Variants in ASH2L observed in about 807,000 individuals in gnomAD.
ASH2L encodes ASH2 like, histone lysine methyltransferase complex subunit.
ASH2L carries 30 observed loss-of-function variants against 81.1 expected under a neutral mutation model. The observed-to-expected ratio is 0.37, with a 90% CI of 0.28 to 0.50. The LOEUF is 0.50. Among genes scored for constraint, ASH2L ranks in the 20% least tolerant of loss-of-function variants. The pLI, the probability that ASH2L is intolerant of heterozygous loss-of-function variation, is 0.95. For missense variants in ASH2L, 559 were observed against 792.1 expected (o/e 0.71, Z 3.53); for synonymous variants, 273 against 279.9 (o/e 0.98, Z 0.24).
Position 38,110,373 on chromosome 8 carries a change from C to G in ASH2L, c.402-6C>G. 2 of 1,612,318 alleles carry G rather than the reference C, an allele frequency of 1.2e-6. No individual in the cohort carries two copies. The highest frequency in any genetic ancestry group is 1.7e-6 in the Non-Finnish European group (2 of 1,178,370). ...CACTAATTCGTATAATTTGGCTCTT[C>G]GGCAGATCCTGTCTACCTTTCATGA... is the stretch of plus-strand genomic sequence containing the variant. On this transcript the variant is annotated splice_region_variant and splice_polypyrimidine_tract_variant and intron_variant, in intron 3 of 15. Coordinates refer to ENST00000343823, the MANE Select transcript of ASH2L (RefSeq NM_004674.5).
intron 12 of ASH2L, among the ~76,000 whole-genome samples, chr8:38,132,862 C>T (rs191128518): frequency 0.017 from 2,437 of 143,640 alleles, 37 homozygotes; most frequent in Non-Finnish European, 0.026. Context: ...TTTGGGAGGC[C>T]AAGGCGGGTG....
In ASH2L at chr8:38,128,755, C is replaced by T; in HGVS notation, c.1334-3C>T. On this transcript the variant is annotated splice_region_variant and splice_polypyrimidine_tract_variant and intron_variant, in intron 11 of 15. Transcript: ENST00000343823. Reference sequence around the variant, plus strand: ...CTTCCTGTGTATGTTTTTATTGGGACAGGAAACCTTCAAGCTCCTTTAGGT... The same window carrying T: ...CTTCCTGTGTATGTTTTTATTGGGATAGGAAACCTTCAAGCTCCTTTAGGT... 6.2e-7 allele frequency: 1 copy of T among 1,608,148 alleles called. No homozygotes were observed.
At chr8:38,117,752 A>G (rs1385531327) in intron 8 of ASH2L, 1 of 152,266 alleles carries the variant, frequency 6.6e-6, no homozygotes, top group Non-Finnish European at 1.5e-5. Flanking sequence ...TCAAAATGCA[A>G]ATGACAATTA....
intron 8 of ASH2L, among the ~76,000 whole-genome samples, chr8:38,118,941 G>T (rs894373378): frequency 6.6e-6 from 1 of 152,186 alleles, no homozygotes; most frequent in African/African-American, 2.4e-5. Context: ...GGGTGTTTGG[G>T]ATCTGAATGA....
In ASH2L at chr8:38,139,263, C is replaced by G; in HGVS notation, c.*192C>G. On this transcript the variant is annotated 3_prime_UTR_variant, in exon 16 of 16. Transcript: ENST00000343823. ...ATTTTCTCCCCACTTCCAGTGACTG[C>G]TCTTATTTTGTGTACCATAAGCCAA... 1 of 545,614 alleles carries G rather than the reference C, an allele frequency of 1.8e-6. No homozygotes were observed. Among genetic ancestry groups the G allele is most frequent in the Non-Finnish European group, 3.2e-6 (1 of 307,920 alleles). 33.8% of individuals were successfully genotyped at this position (545,614 alleles called of 1,614,324 possible). A position where few individuals can be genotyped will look rare whatever the true frequency, so the allele number is the denominator to read the frequency against.
Position 38,110,723 on chromosome 8 carries a change from T to C in ASH2L, c.491-16T>C, listed in dbSNP as rs1286314440. The C allele has an allele frequency of 6.2e-7, 1 of 1,604,050 alleles. No homozygotes were observed. The highest frequency in any genetic ancestry group is 1.1e-5 in the South Asian group (1 of 90,054). Reference sequence around the variant, plus strand: ...AGTACTACAGATAACTGTTTCTTCCTTTTTGTTTTTGATAGACTTGAAGGA... The same window carrying C: ...AGTACTACAGATAACTGTTTCTTCCCTTTTGTTTTTGATAGACTTGAAGGA... On this transcript the variant is annotated splice_polypyrimidine_tract_variant and intron_variant, in intron 4 of 15. Transcript: ENST00000343823.
intron 8 of ASH2L, chr8:38,117,379 CTT>C (rs1448566907): frequency 4.6e-5 from 41 of 890,642 alleles, no homozygotes; most frequent in Non-Finnish European, 5.4e-5. Flanking sequence ...AGTGTGTTAT[CTT>C]TTTACAACAT....
chr8:38,127,605 G>T (rs1028759531), intron 10 of ASH2L, among the ~76,000 whole-genome samples: 4 of 151,714 alleles, frequency 2.6e-5, no homozygotes, highest in African/African-American at 9.7e-5. Flanking sequence ...AATTAGCTGG[G>T]CGTGGTGGTG....
intron 8 of ASH2L, among the ~76,000 whole-genome samples, chr8:38,117,069 T>TA (rs1810935449): frequency 2.0e-5 from 3 of 152,244 alleles, no homozygotes; most frequent in Non-Finnish European, 4.4e-5. Context: ...ATTCAGCTGT[T>TA]ACTTTTAACA....
At chr8:38,127,545 G>A (rs771191613) in intron 10 of ASH2L, among the ~76,000 whole-genome samples, 10 of 151,876 alleles carry the variant, frequency 6.6e-5, no homozygotes, top group Non-Finnish European at 1.0e-4. Context: ...TCAGGAATTC[G>A]AGACCAGCCT....
intron 10 of ASH2L, among the ~76,000 whole-genome samples, chr8:38,127,618 C>T (rs1013215515): frequency 9.3e-5 from 14 of 150,894 alleles, no homozygotes; most frequent in Admixed American, 6.0e-4. Context: ...TGGTGGTGGG[C>T]GCCTGTAATC....
intron 12 of ASH2L, among the ~76,000 whole-genome samples, chr8:38,133,079 C>T (rs1802122294): frequency 6.6e-6 from 1 of 150,540 alleles, no homozygotes; most frequent in South Asian, 2.1e-4. Flanking sequence ...AAGAGTGAAA[C>T]TCCGTCTCAA....
chr8:38,120,128 AAAC>A (rs1811076014), intron 9 of ASH2L, among the ~76,000 whole-genome samples: 3 of 152,364 alleles, frequency 2.0e-5, no homozygotes, highest in Non-Finnish European at 4.4e-5. Context: ...TGTCTCAAAA[AAAC>A]AAAACAAACC....
chr8:38,131,586 C>T (rs1390505299), intron 12 of ASH2L, among the ~76,000 whole-genome samples: 1 of 152,134 alleles, frequency 6.6e-6, no homozygotes, highest in Non-Finnish European at 1.5e-5. Context: ...GCAGAGGTTG[C>T]AGTGAGCCAA....
At chr8:38,109,312 G>A (rs965308328) in intron 3 of ASH2L, among the ~76,000 whole-genome samples, 8 of 152,208 alleles carry the variant, frequency 5.3e-5, no homozygotes, top group African/African-American at 1.9e-4. Flanking sequence ...TGAAGGTAAG[G>A]AAACTCAGCT....
intron 10 of ASH2L, among the ~76,000 whole-genome samples, chr8:38,126,805 G>C (rs1322816955): frequency 6.9e-6 from 1 of 144,996 alleles, no homozygotes; most frequent in Admixed American, 7.1e-5. Flanking sequence ...AGTGAGCAGA[G>C]ATCGCGCCAC....
At chr8:38,113,589 T>C (rs1385909438) in intron 5 of ASH2L, among the ~76,000 whole-genome samples, 3 of 152,126 alleles carry the variant, frequency 2.0e-5, no homozygotes, top group Non-Finnish European at 2.9e-5. Context: ...GCAGTGGGGA[T>C]GGAAGGGAGT....
At chr8:38,118,412 CA>C (rs1810996784) in intron 8 of ASH2L, among the ~76,000 whole-genome samples, 1 of 152,176 alleles carries the variant, frequency 6.6e-6, no homozygotes, top group African/African-American at 2.4e-5. Context: ...ACAAAAATTT[CA>C]AAGTACCTAT....
At chr8:38,128,579 G>C (rs1490618161) in intron 11 of ASH2L, 121 bp downstream of exon 11, 8 of 1,466,802 alleles carry the variant, frequency 5.5e-6, no homozygotes, top group South Asian at 1.4e-5. Flanking sequence ...CAGTTCCTGA[G>C]GGTTGAGCTG....
Sources: gnomAD v4.1 joint callset for allele counts (sites outside exome capture counted in the v4.1 genomes callset) on GRCh38, gnomAD v4.1.1 for gene constraint, MANE v1.5 for transcripts, NCBI Gene and HGNC (gene_info 2026-07-23, HGNC 2026-07-21) for gene names.